The following KMT2D variants were observed in gnomAD, a reference collection of about 807,000 sequenced individuals.
The protein encoded by KMT2D is histone-lysine N-methyltransferase 2D.
Under a neutral mutation model 512.7 loss-of-function variants are expected in KMT2D, and 55 were observed. The observed-to-expected ratio is 0.11, with a 90% confidence interval of 0.09 to 0.13. The LOEUF (loss-of-function observed/expected upper bound fraction) is 0.13. Ranked by LOEUF, KMT2D falls within the 10% of genes least tolerant of loss-of-function variation. The probability of loss-of-function intolerance (pLI) is 1.00; values close to 1 mark genes in which losing one functional copy is unlikely to be tolerated. For missense variants in KMT2D, 6,061 were observed against 7,127.9 expected (o/e 0.85, Z 5.39); for synonymous variants, 2,995 against 2,904.0 (o/e 1.03, Z -1.01).
chr12:49,021,887 G>C lies in KMT2D; in HGVS notation c.16522-15C>G, dbSNP rs940967799. 3 of 1,610,054 alleles carry C rather than the reference G, an allele frequency of 1.9e-6. No individual in the cohort carries two copies. Among genetic ancestry groups the C allele is most frequent in the Admixed American group, 1.7e-5 (1 of 60,020 alleles). On this transcript the variant is annotated splice_polypyrimidine_tract_variant and intron_variant, in intron 54 of 54. Transcript: ENST00000301067. ...TCATAGGTTAGCTGAAAAGAGAAGA[G>C]GGCAGAATCAATGCTAGTCCCCCAC...
rs1041419132 is a variant in KMT2D at position 49,032,716 on chromosome 12, G to A, written c.11989C>T (p.Leu3997Phe). The change falls in exon 40 of 55, where the codon CTT becomes TTT. Residue 3997 changes from leucine (L) to phenylalanine (F), a missense_variant. Transcript: ENST00000301067. ...GGCTTTGCTGGCATGCCAGGGCCAA[G>A]TGCCACTTGCTGCTGCTGTTGTTGC... ...PQQQQQQQVALGPGMPAKPLQ... is the reference protein window; with the variant it reads ...PQQQQQQQVAFGPGMPAKPLQ... The A allele has an allele frequency of 3.1e-6, 5 of 1,609,494 alleles. No individual in the cohort carries two copies. The Admixed American group carries it at 6.8e-5, about 22-fold the overall frequency.
Position 49,040,577 on chromosome 12 carries a change from A to T in KMT2D, c.7193T>A (p.Leu2398Gln), listed in dbSNP as rs879792544. 6.2e-7 allele frequency: 1 copy of T among 1,613,218 alleles called. No individual in the cohort carries two copies. Among genetic ancestry groups the T allele is most frequent in the South Asian group, 1.1e-5 (1 of 91,040 alleles). The change falls in exon 32 of 55, where the codon CTG becomes CAG. Residue 2398 changes from leucine (L) to glutamine (Q), a missense_variant. Physicochemically the swap from Leu to Gln is moderately radical, Grantham distance 113. Around this residue, in one of 16 missense-constraint regions of KMT2D, gnomAD observed 710 missense variants for 647.3 expected, o/e 1.10. Coordinates refer to ENST00000301067, the MANE Select transcript of KMT2D (RefSeq NM_003482.4). ...QPPPPESCCA[L>Q]PPRSLPSDPF... ...GTCGGAGGGCAGTGAGCGAGGGGGC[A>T]GAGCACAGCAGCTCTCAGGGGGCGG...
Position 49,027,843 on chromosome 12 carries a change from G to C in KMT2D, c.14603C>G (p.Thr4868Ser), listed in dbSNP as rs1451152137. 2 of 1,597,450 alleles carry C rather than the reference G, an allele frequency of 1.3e-6. No individual in the cohort carries two copies. The highest frequency in any genetic ancestry group is 1.7e-6 in the Non-Finnish European group (2 of 1,172,062). The change falls in exon 48 of 55, where the codon ACC becomes AGC. Residue 4868 changes from threonine to serine, a missense_variant. Thr to Ser is a moderately conservative substitution (Grantham distance 58). Coordinates refer to ENST00000301067, the MANE Select transcript of KMT2D (RefSeq NM_003482.4). Reference protein sequence around the residue: ...KQFDAVLPGYTLKSQLDILSL... With the variant: ...KQFDAVLPGYSLKSQLDILSL... ...CAAGATGTCTAGTTGGCTCTTCAGG[G>C]TATAGCCAGGCAACACTGCATCAAA...
chr12:49,044,968 G>A lies in KMT2D; in HGVS notation c.4742-3C>T, dbSNP rs758711610. The A allele has an allele frequency of 2.5e-6, 4 of 1,611,708 alleles. No homozygotes were observed. Among genetic ancestry groups the A allele is most frequent in the East Asian group, 4.5e-5 (2 of 44,824 alleles). On this transcript the variant is annotated splice_region_variant and splice_polypyrimidine_tract_variant and intron_variant, in intron 19 of 54. Coordinates refer to ENST00000301067, the MANE Select transcript of KMT2D (RefSeq NM_003482.4). This position sits in a 1 kb window ranked among gnomAD's most constrained non-coding sequence, Gnocchi z 6.4. ...TTCGAAGCGAAAGTACTGGGGCTCT[G>A]CATAAGAGGAAAGAGTATGTGATCC...
rs1942757385 is a variant in KMT2D, at chr12:49,029,125, C to T, written c.14187G>A (p.Arg4729=). The stretch of plus-strand genomic sequence containing the variant: ...AGAGGGCCCGGTCCTCTTGCTCCCA[C>T]CGGCCTGAGCCCAGATGAGGGAAAC... ...APRFPHLGSG[R]WEQEDRALSP... is the part of the protein sequence containing the mutation. The change falls in exon 45 of 55, where the codon CGG becomes CGA. Residue 4729 remains arginine (R), a synonymous_variant. Transcript: ENST00000301067. 6.2e-7 allele frequency: 1 copy of T among 1,613,362 alleles called. No individual in the cohort carries two copies. The highest frequency in any genetic ancestry group is 1.1e-5 in the South Asian group (1 of 91,052).
rs2120367424 is a variant in KMT2D at position 49,027,084 on chromosome 12, G to T, written c.14882C>A (p.Pro4961His). 2.5e-6 allele frequency: 4 copies of T among 1,612,090 alleles called. No homozygotes were observed. The highest frequency in any genetic ancestry group is 3.4e-6 in the Non-Finnish European group (4 of 1,178,586). The change falls in exon 49 of 55, where the codon CCC becomes CAC. Residue 4961 changes from proline (P) to histidine (H), a missense_variant. Pro to His is a moderately conservative substitution (Grantham distance 77, BLOSUM62 -2). This residue lies in a region of KMT2D where 1,600 missense variants were observed against 1,754.9 expected (regional missense o/e 0.91). Transcript: ENST00000301067. ...TTCAGGGGGCCGGGCACGGGGCTTG[G>T]GTCGGGCTGATTCAGGGGATGAGGC... is the stretch of plus-strand genomic sequence containing the variant. ...PLASSPESAR[P>H]KPRARPPEEG...
In KMT2D at chr12:49,046,326, G is replaced by C. The variant is rs1207872731; in HGVS notation, c.4517C>G (p.Thr1506Ser). The C allele has an allele frequency of 3.7e-6, 6 of 1,614,012 alleles. No homozygotes were observed. Among genetic ancestry groups the C allele is most frequent in the Non-Finnish European group, 5.1e-6 (6 of 1,179,888 alleles). ...THCGPCASLV[T>S]CPICHAPYVE... ...GTAAGGAGCATGACAGATAGGGCAG[G>C]TCACCAGGCTGGCACAGGGCCCACA... is the stretch of plus-strand genomic sequence containing the variant. Residue 1506 changes from threonine to serine, a missense_variant, in exon 17 of 55, where the codon ACC (threonine) becomes AGC (serine). Physicochemically the swap from Thr to Ser is moderately conservative, Grantham distance 58. Transcript: ENST00000301067. The surrounding 1 kb of genome is among the most constrained non-coding windows in gnomAD (Gnocchi z 4.2).
At position 49,041,719 on chromosome 12, in the gene KMT2D, G is replaced by A. The variant is rs1224830801; in HGVS notation, c.6184-14C>T. ...TTTGGCCTTTTGCTGAGGGATATGG[G>A]ACACAGCCTTAGGGCCTAGTGCTTG... On this transcript the variant is annotated splice_polypyrimidine_tract_variant and intron_variant, in intron 30 of 54. Coordinates refer to ENST00000301067, the MANE Select transcript of KMT2D (RefSeq NM_003482.4). The surrounding 1 kb of genome is among the most constrained non-coding windows in gnomAD (Gnocchi z 5.4). The A allele has an allele frequency of 3.7e-6, 6 of 1,607,476 alleles. No homozygotes were observed. The highest frequency in any genetic ancestry group is 1.7e-5 in the Admixed American group (1 of 58,870).
Position 49,022,665 on chromosome 12 carries a change from T to C in KMT2D, c.16263A>G (p.Thr5421=), listed in dbSNP as rs530056152. 1.9e-6 allele frequency: 3 copies of C among 1,613,922 alleles called. No individual in the cohort carries two copies. Among genetic ancestry groups the C allele is most frequent in the East Asian group, 2.2e-5 (1 of 44,878 alleles). The part of the protein sequence containing the change: ...LYAAKDLEKH[T]MVIEYIGTII... ...TGGTGCCAATGTACTCGATAACCAT[T>C]GTGTGCTTTTCTAGGTCCTTGGCTG... is the stretch of plus-strand genomic sequence containing the variant. The change falls in exon 52 of 55, where the codon ACA becomes ACG. Residue 5421 remains threonine (T), a synonymous_variant. Transcript: ENST00000301067. This position sits in a 1 kb window ranked among gnomAD's most constrained non-coding sequence, Gnocchi z 8.6.
Position 49,054,331 on chromosome 12 carries a change from C to T in KMT2D, c.486G>A (p.Lys162=), listed in dbSNP as rs761901471. 3.1e-6 allele frequency: 5 copies of T among 1,595,716 alleles called. No homozygotes were observed. Among genetic ancestry groups the T allele is most frequent in the Admixed American group, 3.5e-5 (2 of 57,056 alleles). The change falls in exon 5 of 55, where the codon AAG becomes AAA. Residue 162 remains lysine, a synonymous_variant. Coordinates refer to ENST00000301067, the MANE Select transcript of KMT2D (RefSeq NM_003482.4). This position sits in a 1 kb window ranked among gnomAD's most constrained non-coding sequence, Gnocchi z 6.4. The part of the protein sequence containing the change: ...QEGPELCGVD[K]AIFSGISQRC... ...CCTGTGAGATCCCTGAGAAGATGGC[C>T]TTGTCCACACCACATAGTTCTGGGC...
intron 46 of KMT2D, 83 bp from the exon 47 acceptor site, chr12:49,028,224 G>A: frequency 6.4e-7 from 1 of 1,563,594 alleles, no homozygotes; most frequent in East Asian, 2.3e-5. Context: ...GTGGGGACAA[G>A]GACACCTAGA....
rs576788910 is a variant in KMT2D, at chr12:49,032,946, AGCTGCTGCTGCT to A, written c.11747_11758del (p.Gln3916_Gln3919del). The A allele has an allele frequency of 1.9e-6, 3 of 1,549,668 alleles. No homozygotes were observed. Among genetic ancestry groups the A allele is most frequent in the Non-Finnish European group, 2.6e-6 (3 of 1,146,612 alleles). On this transcript the variant is annotated inframe_deletion, in exon 40 of 55. Transcript: ENST00000301067. ...CTGCTGAAGTTGCTGTTGCTGTTGT[AGCTGCTGCTGCT>A]GCTGCTGCTGAAGTTGCTGTTGCTG...
rs764371025 is a variant in KMT2D at position 49,054,107 on chromosome 12, T to C, written c.544A>G (p.Ile182Val). 6.2e-7 allele frequency: 1 copy of C among 1,612,904 alleles called. No individual in the cohort carries two copies. Among genetic ancestry groups the C allele is most frequent in the South Asian group, 1.1e-5 (1 of 90,908 alleles). The change falls in exon 6 of 55, where the codon ATC becomes GTC. Residue 182 changes from isoleucine to valine, a missense_variant. By Grantham distance (29) the Ile-to-Val change is conservative (BLOSUM62 3). This residue lies in a region of KMT2D where 160 missense variants were observed against 225.8 expected (regional missense o/e 0.71). Transcript: ENST00000301067. The surrounding 1 kb of genome is among the most constrained non-coding windows in gnomAD (Gnocchi z 6.4). ...GGACATCCAGGTGAGCGGCAAGGGA[T>C]GGAGGCACCGAGCCTGGTGCAGTGG... is the stretch of plus-strand genomic sequence containing the variant. ...CSHCTRLGAS[I>V]PCRSPGCPRL...
In KMT2D at chr12:49,038,095, C is replaced by G. The variant is rs774885515; in HGVS notation, c.9261G>C (p.Arg3087=). 6.2e-7 allele frequency: 1 copy of G among 1,613,880 alleles called. No individual in the cohort carries two copies. The change falls in exon 35 of 55, where the codon CGG becomes CGC. Residue 3087 remains arginine (R), a synonymous_variant. Coordinates refer to ENST00000301067, the MANE Select transcript of KMT2D (RefSeq NM_003482.4). This position sits in a 1 kb window ranked among gnomAD's most constrained non-coding sequence, Gnocchi z 5.7. ...GGCCCAAGGGTCCTGGCTCCACCCC[C>G]CGCAGCAGGGCCTCCCGTTCAGCCT... ...NEKAEREALL[R]GVEPGPLGPE...
In KMT2D at chr12:49,032,530, C is replaced by A. The variant is rs1942971838; in HGVS notation, c.12175G>T (p.Ala4059Ser). 1 of 1,600,278 alleles carries A rather than the reference C, an allele frequency of 6.2e-7. No homozygotes were observed. Among genetic ancestry groups the A allele is most frequent in the South Asian group, 1.1e-5 (1 of 89,044 alleles). The change falls in exon 40 of 55, where the codon GCC becomes TCC. Residue 4059 changes from alanine to serine, a missense_variant. Around this residue, in one of 16 missense-constraint regions of KMT2D, gnomAD observed 1,600 missense variants for 1,754.9 expected, o/e 0.91. Coordinates refer to ENST00000301067, the MANE Select transcript of KMT2D (RefSeq NM_003482.4). ...GGCTTTACCTCTCCTGGTTCAGTGG[C>A]CATTGACTCAGGGGTAGTTCCTATT... ...LAIGTTPESM[A>S]TEPGEVKPSL...
chr12:49,057,203 C>T (rs1938461864), intron 1 of KMT2D, among the ~76,000 whole-genome samples: 1 of 152,190 alleles, frequency 6.6e-6, no homozygotes, highest in South Asian at 2.1e-4. Flanking sequence ...GGCCTGGCCA[C>T]ACCCGGAAGG....
At position 49,039,608 on chromosome 12, in the gene KMT2D, G is replaced by A. The variant is rs2120513515; in HGVS notation, c.8056C>T (p.Leu2686=). 1 of 1,608,764 alleles carries A rather than the reference G, an allele frequency of 6.2e-7. No homozygotes were observed. Among genetic ancestry groups the A allele is most frequent in the Non-Finnish European group, 8.5e-7 (1 of 1,179,364 alleles). Residue 2686 remains leucine, a synonymous_variant, in exon 33 of 55, where the codon CTA becomes TTA. Coordinates refer to ENST00000301067, the MANE Select transcript of KMT2D (RefSeq NM_003482.4). The surrounding 1 kb of genome is among the most constrained non-coding windows in gnomAD (Gnocchi z 5.0). Reference sequence around the variant, plus strand: ...TGCTGCCGAATCAGCAGCTCTCGTAGTCGCTGGCGCTATGCAAAAAAAAGA... The same window carrying A: ...TGCTGCCGAATCAGCAGCTCTCGTAATCGCTGGCGCTATGCAAAAAAAAGA... ...ELEKQRQRQR[L]RELLIRQQIQ...
Position 49,059,985 on chromosome 12 carries a change from C to T in KMT2D, c.-410G>A, listed in dbSNP as rs938832594. ...CAGCGCCCCGGCCGCCCGCGCCGGG[C>T]TCGGGCGGAACGTCGAGGCTCTCCA... On this transcript the variant is annotated 5_prime_UTR_variant, in exon 1 of 55. Coordinates refer to ENST00000301067, the MANE Select transcript of KMT2D (RefSeq NM_003482.4). Among the ~76,000 whole-genome samples the T allele has an allele frequency of 2.0e-5, 3 of 151,648 alleles. No homozygotes were observed. The highest frequency in any genetic ancestry group is 6.5e-5 in the Admixed American group (1 of 15,272).
intron 1 of KMT2D, among the ~76,000 whole-genome samples, chr12:49,058,144 G>T (rs945383268): frequency 6.6e-6 from 1 of 152,122 alleles, no homozygotes; most frequent in African/African-American, 2.4e-5. Flanking sequence ...CCCCCATTTT[G>T]GGTCACCCCT....
Sources: gnomAD v4.1 joint callset for allele counts (sites outside exome capture counted in the v4.1 genomes callset) on GRCh38, gnomAD v4.1.1 for gene constraint, gnomAD v4.1.1 regional missense constraint, Gnocchi (gnomAD v3.1) non-coding constraint, MANE v1.5 for transcripts, NCBI Gene and HGNC (gene_info 2026-07-23, HGNC 2026-07-21) for gene names.